The following SCFD1 variants were observed in gnomAD, a reference collection of about 807,000 sequenced individuals.
SCFD1 encodes the protein sec1 family domain containing 1, also known as sec1 family domain-containing protein 1.
A neutral mutation model predicts 103.2 loss-of-function variants in SCFD1; 37 were observed. The ratio of observed to expected loss-of-function variants is 0.36; its 90% confidence interval spans 0.28 to 0.47. The LOEUF (loss-of-function observed/expected upper bound fraction) is 0.47, where lower values mean the gene tolerates loss of function less well. SCFD1 is among the 20% of genes least tolerant of loss of function. SCFD1 has a pLI of 1.00. For synonymous variants in SCFD1, 264 were observed against 245.0 expected (o/e 1.08, Z -0.73); for missense variants, 639 against 761.2 (o/e 0.84, Z 1.89).
intron 14 of SCFD1, among the ~76,000 whole-genome samples, chr14:30,684,803 C>G (rs200833238): frequency 1.8e-5 from 1 of 54,870 alleles, no homozygotes; most frequent in East Asian, 6.3e-4. Flanking sequence ...GCAATTGTTT[C>G]TTTTTTTTTT....
chr14:30,722,828 T>TA (rs1360451644), intron 23 of SCFD1: 1 of 239,670 alleles, frequency 4.2e-6, no homozygotes, highest in Admixed American at 5.5e-5. Context: ...CTCAAATGCT[T>TA]AGAGACCTCT....
intron 7 of SCFD1, among the ~76,000 whole-genome samples, chr14:30,648,877 G>A (rs1202456482): frequency 1.3e-5 from 2 of 151,960 alleles, no homozygotes; most frequent in African/African-American, 4.8e-5. Flanking sequence ...AGGAGGCTGA[G>A]GTGGGAGGAT....
At chr14:30,649,383 AT>A (rs1886184605) in intron 7 of SCFD1, 144 bp from the exon 8 acceptor site, 3 of 625,510 alleles carry the variant, frequency 4.8e-6, no homozygotes, top group African/African-American at 1.9e-5. Flanking sequence ...AATTAAAAAA[AT>A]GTGGAAAAAT....
At chr14:30,696,358 A>G (rs186749466) in intron 15 of SCFD1, among the ~76,000 whole-genome samples, 323 of 152,352 alleles carry the variant, frequency 2.1e-3, no homozygotes, top group Middle Eastern at 0.017. Flanking sequence ...TTTCTGAGCT[A>G]TTCCTTGTTA....
intron 14 of SCFD1, among the ~76,000 whole-genome samples, chr14:30,691,586 C>T (rs78622050): frequency 6.6e-6 from 1 of 152,170 alleles, no homozygotes; most frequent in Non-Finnish European, 1.5e-5. Context: ...AGGGCTGTTA[C>T]TTTTAACAGC....
chr14:30,700,095 T>C (rs1890975170), intron 15 of SCFD1, 93 bp from the exon 16 acceptor site: 1 of 849,202 alleles, frequency 1.2e-6, no homozygotes, highest in African/African-American at 1.7e-5. Flanking sequence ...GTCACATTTA[T>C]ATATGCCTTG....
chr14:30,694,935 G>A, intron 15 of SCFD1, 66 bp downstream of exon 15: 1 of 1,536,446 alleles, frequency 6.5e-7, no homozygotes, highest in Non-Finnish European at 8.7e-7. Flanking sequence ...TTTCAATTGA[G>A]TAAACTTTGA....
intron 10 of SCFD1, among the ~76,000 whole-genome samples, chr14:30,664,492 TCTC>T (rs577076095): frequency 3.9e-5 from 6 of 152,142 alleles, no homozygotes; most frequent in African/African-American, 1.4e-4. Context: ...CGCCCCTTCT[TCTC>T]CAAAGGATTG....
intron 10 of SCFD1, among the ~76,000 whole-genome samples, chr14:30,665,301 A>T (rs1021474302): frequency 6.6e-6 from 1 of 152,218 alleles, no homozygotes; most frequent in Non-Finnish European, 1.5e-5. Flanking sequence ...TAAGCTTCAG[A>T]AGTGAAGGAG....
At chr14:30,648,953 G>GT (rs1169783944) in intron 7 of SCFD1, among the ~76,000 whole-genome samples, 1 of 146,498 alleles carries the variant, frequency 6.8e-6, no homozygotes, top group Non-Finnish European at 1.5e-5. Flanking sequence ...CCTAGCCTGG[G>GT]TGACAGAGTG....
At chr14:30,640,324 T>C (rs1885144043) in intron 6 of SCFD1, among the ~76,000 whole-genome samples, 1 of 152,204 alleles carries the variant, frequency 6.6e-6, no homozygotes, top group South Asian at 2.1e-4. Flanking sequence ...CTTGTGGAAA[T>C]TCCTAAGAGG....
intron 10 of SCFD1, among the ~76,000 whole-genome samples, chr14:30,662,967 C>T (rs1887585461): frequency 6.6e-6 from 1 of 152,302 alleles, no homozygotes; most frequent in East Asian, 1.9e-4. Flanking sequence ...CATGTTAAAA[C>T]TAATTCTGTT....
rs181846742 is a variant in SCFD1 at position 30,720,924 on chromosome 14, A to T, written c.1737-960A>T. The stretch of plus-strand genomic sequence containing the variant: ...TCCTTAATGTAGTTTATGCATGGTA[A>T]TGAGGAAGAATATTAGCATTGATAA... On this transcript the variant is annotated intron_variant, in intron 21 of 24. Coordinates refer to ENST00000458591, the MANE Select transcript of SCFD1 (RefSeq NM_016106.4). Among the ~76,000 whole-genome samples, 18 of 152,280 alleles carry T rather than the reference A, an allele frequency of 1.2e-4. 1 individual carries two copies. The East Asian group carries it at 3.5e-3, about 29-fold the overall frequency.
chr14:30,654,551 G>A (rs539918149), intron 10 of SCFD1, among the ~76,000 whole-genome samples: 125 of 152,268 alleles, frequency 8.2e-4, no homozygotes, highest in African/African-American at 2.9e-3. Context: ...GCACACGCCT[G>A]TAATCCTAAC....
intron 10 of SCFD1, among the ~76,000 whole-genome samples, chr14:30,669,323 C>A (rs1234209476): frequency 6.6e-6 from 1 of 152,038 alleles, no homozygotes; most frequent in Admixed American, 6.6e-5. Context: ...TGGATAATTT[C>A]TCCATACTGT....
chr14:30,639,945 T>G (rs1449066068), intron 6 of SCFD1, 81 bp downstream of exon 6: 6 of 1,432,614 alleles, frequency 4.2e-6, no homozygotes, highest in Non-Finnish European at 5.5e-6. Context: ...ATATGTTTAA[T>G]GGACTTCAAA....
chr14:30,673,558 A>C (rs1888745901), intron 12 of SCFD1, among the ~76,000 whole-genome samples: 1 of 152,220 alleles, frequency 6.6e-6, no homozygotes, highest in Admixed American at 6.5e-5. Flanking sequence ...ATAATGTAGC[A>C]TCATTTTAGA....
intron 4 of SCFD1, among the ~76,000 whole-genome samples, chr14:30,637,833 G>A (rs909375308): frequency 2.0e-5 from 3 of 152,030 alleles, no homozygotes; most frequent in Admixed American, 6.6e-5. Flanking sequence ...GACCATATCT[G>A]GATATTTTAA....
At chr14:30,674,597 G>A (rs1405188107) in intron 13 of SCFD1, among the ~76,000 whole-genome samples, 2 of 152,006 alleles carry the variant, frequency 1.3e-5, no homozygotes, top group African/African-American at 2.4e-5. Flanking sequence ...GCAGTGAGCC[G>A]AGATAGCACC....
Sources: allele counts gnomAD v4.1 joint callset (sites outside exome capture counted in the v4.1 genomes callset), GRCh38; gene constraint gnomAD v4.1.1; transcripts MANE v1.5; gene names NCBI Gene and HGNC (gene_info 2026-07-23, HGNC 2026-07-21).